POLN: variants seen among roughly 807,000 people sequenced by gnomAD.
POLN encodes the protein DNA polymerase nu.
In POLN, 108 loss-of-function variants were observed where a neutral mutation model predicts 113.5. That is an observed-to-expected ratio of 0.95 (90% CI 0.81 to 1.12). The LOEUF is 1.12. Among genes scored for constraint, POLN ranks in the 50% most tolerant of loss-of-function variants. The probability of loss-of-function intolerance (pLI) is 0.00; values close to 1 mark genes in which losing one functional copy is unlikely to be tolerated. For synonymous variants in POLN, 386 were observed against 391.5 expected, an observed-to-expected ratio of 0.99 and a Z score of 0.17; for missense variants, 1,097 against 1,077.1, an observed-to-expected ratio of 1.02 and a Z score of -0.26.
rs575468306 is a variant in POLN, at chr4:2,071,995, C to G, written c.*119G>C. ...CACAGGCATTTACTCCAGGGGATGG[C>G]GGGCCACCCCAGCCCCAAAGGGTTA... is the stretch of plus-strand genomic sequence containing the variant. On this transcript the variant is annotated 3_prime_UTR_variant, in exon 26 of 26. Transcript: ENST00000511885. The surrounding 1 kb of genome is among the most constrained non-coding windows in gnomAD (Gnocchi z 5.2). The G allele has an allele frequency of 8.7e-7, 1 of 1,151,538 alleles. No individual in the cohort carries two copies. Among genetic ancestry groups the G allele is most frequent in the Non-Finnish European group, 1.3e-6 (1 of 761,818 alleles). The allele number at this position is 1,151,538 out of a possible 1,614,324, so 71.3% of individuals were successfully genotyped here.
intron 23 of POLN, chr4:2,076,338 T>C (rs1730275001): frequency 6.6e-6 from 1 of 152,476 alleles, no homozygotes; most frequent in Non-Finnish European, 1.5e-5. Context: ...CACATGCTCC[T>C]TGGAAACGGG....
chr4:2,186,273 C>A (rs1733270678), intron 7 of POLN, among the ~76,000 whole-genome samples: 1 of 152,170 alleles, frequency 6.6e-6, no homozygotes, highest in Non-Finnish European at 1.5e-5. Context: ...TCATGAGTGT[C>A]TGAAGGGAGA....
At chr4:2,157,108 C>T (rs940654628) in intron 15 of POLN, among the ~76,000 whole-genome samples, 4 of 152,172 alleles carry the variant, frequency 2.6e-5, no homozygotes, top group Admixed American at 2.0e-4. Flanking sequence ...ACTTACAAAT[C>T]CCATGCATGG....
chr4:2,123,636 A>G (rs995369296), intron 19 of POLN, among the ~76,000 whole-genome samples: 3 of 150,948 alleles, frequency 2.0e-5, no homozygotes, highest in African/African-American at 7.3e-5. Context: ...AAAAAAAAAA[A>G]AAAAAAAAAG....
chr4:2,216,836 G>T (rs1339960615), intron 3 of POLN, among the ~76,000 whole-genome samples: 1 of 152,220 alleles, frequency 6.6e-6, no homozygotes, highest in Non-Finnish European at 1.5e-5. Context: ...GTTGCTGGAA[G>T]ATTGGATGTT....
intron 9 of POLN, among the ~76,000 whole-genome samples, chr4:2,175,188 C>T (rs7356230): frequency 0.25 from 37,485 of 152,004 alleles, 7,148 homozygotes; most frequent in African/African-American, 0.52. Context: ...GCTGGTCTCC[C>T]ACCCAACCTC....
chr4:2,214,941 CAT>C (rs1048528450), intron 3 of POLN, among the ~76,000 whole-genome samples: 2 of 149,764 alleles, frequency 1.3e-5, no homozygotes, highest in Admixed American at 1.3e-4. Context: ...ATACCTCAGC[CAT>C]ATATATATGA....
intron 16 of POLN, among the ~76,000 whole-genome samples, chr4:2,136,779 T>C (rs976836084): frequency 2.0e-5 from 3 of 152,200 alleles, no homozygotes; most frequent in Non-Finnish European, 4.4e-5. Context: ...AAGCTCCAGA[T>C]GGAAGGTGCC....
intron 7 of POLN, among the ~76,000 whole-genome samples, chr4:2,180,079 TGGAA>T (rs1733097770): frequency 6.6e-6 from 1 of 152,172 alleles, no homozygotes; most frequent in Non-Finnish European, 1.5e-5. Context: ...TTTGGTACTG[TGGAA>T]GGAACACCAG....
chr4:2,165,092 G>A (rs542056823), intron 13 of POLN, among the ~76,000 whole-genome samples: 1 of 152,196 alleles, frequency 6.6e-6, no homozygotes, highest in East Asian at 1.9e-4. Context: ...GCCCAGATAA[G>A]CTGAAAATTT....
Position 2,236,248 on chromosome 4 carries a change from G to A in POLN, c.-13+5272C>T, listed in dbSNP as rs748833413. 3 of 1,610,522 alleles carry A rather than the reference G, an allele frequency of 1.9e-6. No individual in the cohort carries two copies. In the East Asian group the frequency reaches 6.7e-5, roughly 36 times the overall value. ...CCCACCTGATCACTAAGCAAAAGCT[G>A]ATTTCCTCCTTGATACAAAGTATCA... On this transcript the variant is annotated intron_variant, in intron 2 of 25. Transcript: ENST00000511885.
At chr4:2,178,890 G>A (rs1454897581) in intron 8 of POLN, among the ~76,000 whole-genome samples, 1 of 152,144 alleles carries the variant, frequency 6.6e-6, no homozygotes, top group Non-Finnish European at 1.5e-5. Context: ...GTGATTACAG[G>A]CATGAGCTGC....
intron 16 of POLN, 69 bp downstream of exon 16, chr4:2,156,719 T>G (rs879106058): frequency 1.6e-5 from 20 of 1,265,324 alleles, no homozygotes; most frequent in African/African-American, 4.4e-5. Context: ...CAAACACATA[T>G]GGAGAAAAAA....
At chr4:2,104,023 A>C (rs143203029) in intron 19 of POLN, among the ~76,000 whole-genome samples, 64 of 152,370 alleles carry the variant, frequency 4.2e-4, no homozygotes, top group Non-Finnish European at 6.0e-4. Flanking sequence ...GGAAACATAC[A>C]AAAGTATAAA....
At chr4:2,164,501 CAA>C (rs35463696) in intron 13 of POLN, among the ~76,000 whole-genome samples, 8,209 of 81,622 alleles carry the variant, frequency 0.1, 418 homozygotes, top group African/African-American at 0.18. Flanking sequence ...AACTCTGTCT[CAA>C]AAAAAAAAAA....
intron 16 of POLN, among the ~76,000 whole-genome samples, chr4:2,138,310 C>T (rs1055964987): frequency 1.3e-5 from 2 of 152,216 alleles, no homozygotes; most frequent in East Asian, 3.8e-4. Flanking sequence ...GGAGACCAGA[C>T]ATTAGTTACC....
intron 2 of POLN, among the ~76,000 whole-genome samples, chr4:2,239,271 G>A (rs886761495): frequency 4.6e-5 from 7 of 151,948 alleles, no homozygotes; most frequent in South Asian, 2.1e-4. Context: ...ATATAGTAAC[G>A]GCTACCAAAA....
At chr4:2,116,207 T>C (rs1054913612) in intron 19 of POLN, among the ~76,000 whole-genome samples, 2 of 152,226 alleles carry the variant, frequency 1.3e-5, no homozygotes, top group Non-Finnish European at 2.9e-5. Context: ...GGCAAGTTGA[T>C]AAATGGATGT....
chr4:2,242,038 C>G lies in POLN; in HGVS notation c.-284+13G>C. ...ACACCCCTGCGCCCAGAACCGAGGC[C>G]CGCGTCAGTCACCTCAGGAAGTTCC... On this transcript the variant is annotated intron_variant, in intron 1 of 25. Coordinates refer to ENST00000511885, the MANE Select transcript of POLN (RefSeq NM_181808.4). The G allele has an allele frequency of 4.1e-6, 4 of 985,624 alleles. No individual in the cohort carries two copies. Among genetic ancestry groups the G allele is most frequent in the Non-Finnish European group, 4.8e-6 (4 of 830,054 alleles). 61.1% of individuals were successfully genotyped at this position (985,624 alleles called of 1,614,324 possible). A position where few individuals can be genotyped will look rare whatever the true frequency, so the allele number is the denominator to read the frequency against.
Sources: gnomAD v4.1 joint callset for allele counts (sites outside exome capture counted in the v4.1 genomes callset) on GRCh38, gnomAD v4.1.1 for gene constraint, Gnocchi (gnomAD v3.1) non-coding constraint, MANE v1.5 for transcripts, NCBI Gene and HGNC (gene_info 2026-07-23, HGNC 2026-07-21) for gene names.